The following RWDD2B variants were observed in gnomAD, a reference collection of about 807,000 sequenced individuals.
RWDD2B encodes the protein RWD domain-containing protein 2B.
In RWDD2B, 36 loss-of-function variants were observed where a neutral mutation model predicts 33.6. The ratio of observed to expected loss-of-function variants is 1.07; its 90% CI spans 0.82 to 1.42. The LOEUF is 1.42. Among genes scored for constraint, RWDD2B ranks in the 40% most tolerant of loss-of-function variants. The probability of loss-of-function intolerance (pLI) is 0.00; values close to 1 mark genes in which losing one functional copy is unlikely to be tolerated. For missense variants in RWDD2B, 364 were observed against 377.5 expected (o/e 0.96, Z 0.30); for synonymous variants, 126 against 133.1 (o/e 0.95, Z 0.37).
chr21:29,008,079 T>C lies in RWDD2B; in HGVS notation c.407A>G (p.Asp136Gly). ...ATGTTTTTGCAGGAATGCAGTCAGA[T>C]CTGTGTTCAGCTGAGTCTGCTGGGA... Reference protein sequence around the residue: ...SRSQQTQLNTDLTAFLQKHCH... With the variant: ...SRSQQTQLNTGLTAFLQKHCH... Residue 136 changes from aspartate to glycine, a missense_variant, in exon 4 of 5, where the codon GAT becomes GGT. Coordinates refer to ENST00000493196, the MANE Select transcript of RWDD2B (RefSeq NM_016940.3). 2 of 1,614,120 alleles carry C rather than the reference T, an allele frequency of 1.2e-6. 1 individual carries two copies. Among genetic ancestry groups the C allele is most frequent in the South Asian group, 2.2e-5 (2 of 91,082 alleles).
Position 29,019,168 on chromosome 21 carries a change from C to T in RWDD2B, c.67+43G>A, listed in dbSNP as rs371898558. On this transcript the variant is annotated intron_variant, in intron 1 of 4. Coordinates refer to ENST00000493196, the MANE Select transcript of RWDD2B (RefSeq NM_016940.3). ...CACTGGGCGCTGCAGCGTGGGAAAC[C>T]CCCGTGGCGGTCACCACTGGCGCTA... The T allele has an allele frequency of 1.6e-4, 249 of 1,513,284 alleles. 1 individual carries two copies. Among genetic ancestry groups the T allele is most frequent in the East Asian group, 4.6e-5 (2 of 43,158 alleles). 93.7% of individuals were successfully genotyped at this position (1,513,284 alleles called of 1,614,324 possible).
chr21:29,014,881 A>G (rs1315410444), intron 1 of RWDD2B, among the ~76,000 whole-genome samples: 1 of 152,116 alleles, frequency 6.6e-6, no homozygotes, highest in South Asian at 2.1e-4. Flanking sequence ...TATTTCTTTA[A>G]TAATAATTCT....
In RWDD2B at chr21:29,012,177, GC is replaced by G. The variant is rs71189332; in HGVS notation, c.68-3557del. ...TCCGGGAGGGAGGTGGGGGTGGTCA[GC>G]CCCCCCCCGGGAGGTGAGGGGCGCC... On this transcript the variant is annotated intron_variant, in intron 1 of 4. Transcript: ENST00000493196. Among the ~76,000 whole-genome samples the G allele has an allele frequency of 4.1e-5, 4 of 98,084 alleles. 1 individual carries two copies. The highest frequency in any genetic ancestry group is 6.5e-5 in the Non-Finnish European group (3 of 45,954). The allele number at this position is 98,084 out of a possible 152,430, so 64.3% of individuals were successfully genotyped here.
chr21:29,010,053 A>T (rs1382763890), intron 1 of RWDD2B, among the ~76,000 whole-genome samples: 1 of 152,118 alleles, frequency 6.6e-6, no homozygotes, highest in Non-Finnish European at 1.5e-5. Flanking sequence ...TTACCTATTG[A>T]TGGACACTTG....
chr21:29,013,058 T>G (rs1470333169), intron 1 of RWDD2B, among the ~76,000 whole-genome samples: 2 of 151,404 alleles, frequency 1.3e-5, no homozygotes, highest in Non-Finnish European at 2.9e-5. Context: ...TTTTTTTTTT[T>G]TTTTTTGAGA....
intron 1 of RWDD2B, among the ~76,000 whole-genome samples, chr21:29,013,074 T>TCTCA (rs1278018489): frequency 6.8e-6 from 1 of 146,576 alleles, no homozygotes; most frequent in Non-Finnish European, 1.5e-5. Context: ...TGAGACAGAG[T>TCTCA]CTCACTCTGT....
At chr21:29,012,406 CTT>C (rs1426821994) in intron 1 of RWDD2B, among the ~76,000 whole-genome samples, 11 of 152,042 alleles carry the variant, frequency 7.2e-5, no homozygotes, top group African/African-American at 2.2e-4. Flanking sequence ...ACATGGGAGA[CTT>C]TTCATTTTGT....
intron 1 of RWDD2B, among the ~76,000 whole-genome samples, chr21:29,011,750 G>A (rs541673079): frequency 0.018 from 2,079 of 112,936 alleles, 12 homozygotes; most frequent in East Asian, 0.066. Context: ...CAGCCGCCCC[G>A]TCCGGGAGGG....
Position 29,008,490 on chromosome 21 carries a change from G to A in RWDD2B, c.199C>T (p.Leu67=). 2 of 1,614,086 alleles carry A rather than the reference G, an allele frequency of 1.2e-6. No homozygotes were observed. The highest frequency in any genetic ancestry group is 1.7e-6 in the Non-Finnish European group (2 of 1,180,012). The change falls in exon 2 of 5, where the codon CTG becomes TTG. Residue 67 remains leucine, a synonymous_variant. Coordinates refer to ENST00000493196, the MANE Select transcript of RWDD2B (RefSeq NM_016940.3). ...IVNDQLAVAE[L]KDCIEKKTME... is the part of the protein sequence containing the mutation. ...GTCTTCTTTTCAATACAATCTTTCA[G>A]TTCTGCTACAGCCAGCTGGTCATTC...
At chr21:29,013,715 A>C (rs917682742) in intron 1 of RWDD2B, among the ~76,000 whole-genome samples, 1 of 151,910 alleles carries the variant, frequency 6.6e-6, no homozygotes, top group Non-Finnish European at 1.5e-5. Context: ...AAGAAATTAA[A>C]GATTAATACA....
At chr21:29,016,172 T>G (rs538662138) in intron 1 of RWDD2B, among the ~76,000 whole-genome samples, 27 of 152,364 alleles carry the variant, frequency 1.8e-4, no homozygotes, top group Admixed American at 1.0e-3. Context: ...TCATGTTTAA[T>G]TTGAAGTTTT....
chr21:29,008,620 T>A lies in RWDD2B; in HGVS notation c.69A>T (p.Glu23Asp), dbSNP rs138329538. 2.0e-4 allele frequency: 318 copies of A among 1,609,316 alleles called. No homozygotes were observed. The African/African-American group carries it at 3.5e-3, about 18-fold the overall frequency. ...GYSSEGATAQ[E>D]TYTCPKMIEM... ...CAATCATTTTTGGACATGTGTAAGT[T>A]TCTAAGGAGGTAAAGATAAGAGAGA... The change falls in exon 2 of 5, where the codon GAA (glutamate) becomes GAT (aspartate). Residue 23 changes from glutamate (E) to aspartate (D), a missense_variant and splice_region_variant. Coordinates refer to ENST00000493196, the MANE Select transcript of RWDD2B (RefSeq NM_016940.3).
rs1373970049 is a variant in RWDD2B at position 29,019,204 on chromosome 21, G to T, written c.67+7C>A. ...TCACCACTGGCGCTAGCTGAGGCGA[G>T]ACTCACCTTGAGCCGTGGCCCCCTC... On this transcript the variant is annotated splice_region_variant and intron_variant, in intron 1 of 4. Coordinates refer to ENST00000493196, the MANE Select transcript of RWDD2B (RefSeq NM_016940.3). 8.8e-6 allele frequency: 14 copies of T among 1,594,634 alleles called. No homozygotes were observed. In the South Asian group the frequency reaches 1.6e-4, roughly 18 times the overall value.
chr21:29,011,791 G>T (rs1207550171), intron 1 of RWDD2B, among the ~76,000 whole-genome samples: 1 of 139,290 alleles, frequency 7.2e-6, no homozygotes, highest in Non-Finnish European at 1.6e-5. Context: ...CGCCCGGCCA[G>T]CCGCCCCGTC....
At chr21:29,007,226 G>A (rs528867715) in intron 4 of RWDD2B, among the ~76,000 whole-genome samples, 1 of 152,302 alleles carries the variant, frequency 6.6e-6, no homozygotes, top group Non-Finnish European at 1.5e-5. Flanking sequence ...ATAGTGTCTG[G>A]GGCAGGAGCT....
In RWDD2B at chr21:29,006,290, T is replaced by A. The variant is rs2084827943; in HGVS notation, c.*127A>T. On this transcript the variant is annotated 3_prime_UTR_variant, in exon 5 of 5. Transcript: ENST00000493196. Reference sequence around the variant, plus strand: ...AGATGCATTTCAGCTATACTATTTTTTCTTGTGCCCCACTCCCCAACATTC... The same window carrying A: ...AGATGCATTTCAGCTATACTATTTTATCTTGTGCCCCACTCCCCAACATTC... The A allele has an allele frequency of 3.4e-6, 2 of 592,532 alleles. No homozygotes were observed. Among genetic ancestry groups the A allele is most frequent in the Admixed American group, 3.5e-5 (1 of 28,866 alleles). The allele number at this position is 592,532 out of a possible 1,614,324, so 36.7% of individuals were successfully genotyped here.
intron 1 of RWDD2B, among the ~76,000 whole-genome samples, chr21:29,011,658 C>T (rs1601021855): frequency 5.3e-5 from 7 of 132,068 alleles, no homozygotes; most frequent in Admixed American, 7.3e-5. Flanking sequence ...GCCCCCCGCC[C>T]GGCCAGCCGC....
At chr21:29,017,857 G>A (rs1486504506) in intron 1 of RWDD2B, among the ~76,000 whole-genome samples, 3 of 152,176 alleles carry the variant, frequency 2.0e-5, no homozygotes. Flanking sequence ...AGGCCTTGAG[G>A]AAGGAGGGTG....
rs1287245438 is a variant in RWDD2B at position 29,012,106 on chromosome 21, G to A, written c.68-3485C>T. Among the ~76,000 whole-genome samples, 27 of 144,642 alleles carry A rather than the reference G, an allele frequency of 1.9e-4. No homozygotes were observed. In the East Asian group the frequency reaches 5.6e-3, roughly 30 times the overall value. The allele number at this position is 144,642 out of a possible 152,430, so 94.9% of individuals were successfully genotyped here. ...CTCTGCCCGGCCAGCCGCCCCGTCC[G>A]GGAGGGAGGTTGGGGGGTCAGCCCC... On this transcript the variant is annotated intron_variant, in intron 1 of 4. Coordinates refer to ENST00000493196, the MANE Select transcript of RWDD2B (RefSeq NM_016940.3).
Sources: allele counts gnomAD v4.1 joint callset (sites outside exome capture counted in the v4.1 genomes callset), GRCh38; gene constraint gnomAD v4.1.1; transcripts MANE v1.5; gene names NCBI Gene and HGNC (gene_info 2026-07-23, HGNC 2026-07-21).